Variants in ALK observed in about 807,000 individuals in gnomAD.
The protein encoded by ALK is ALK receptor tyrosine kinase.
Under a neutral mutation model 163.1 loss-of-function variants are expected in ALK, and 74 were observed. The ratio of observed to expected loss-of-function variants is 0.45; its 90% CI spans 0.38 to 0.55. The LOEUF (loss-of-function observed/expected upper bound fraction) is 0.55. ALK is among the 20% of genes least tolerant of loss of function. The pLI is 0.00. For missense variants in ALK, 2,063 were observed against 2,105.3 expected (o/e 0.98, Z 0.39); for synonymous variants, 960 against 843.2 (o/e 1.14, Z -2.40).
intron 4 of ALK, among the ~76,000 whole-genome samples, chr2:29,431,277 C>T (rs1001609868): frequency 1.3e-5 from 2 of 152,036 alleles, no homozygotes; most frequent in African/African-American, 4.8e-5. Flanking sequence ...GTTGTATCTC[C>T]CAAGAGTCAT....
At chr2:29,628,581 C>T (rs1164485207) in intron 3 of ALK, among the ~76,000 whole-genome samples, 1 of 152,172 alleles carries the variant, frequency 6.6e-6, no homozygotes, top group Non-Finnish European at 1.5e-5. Flanking sequence ...AGCAAACACT[C>T]TGTTGTGTTA....
At chr2:29,587,883 G>A (rs1439197057) in intron 3 of ALK, among the ~76,000 whole-genome samples, 2 of 152,218 alleles carry the variant, frequency 1.3e-5, no homozygotes, top group Non-Finnish European at 2.9e-5. Flanking sequence ...TGGTTCAGGG[G>A]AAAGAGGTGG....
chr2:29,440,620 G>A (rs1378987687), intron 4 of ALK, among the ~76,000 whole-genome samples: 3 of 152,166 alleles, frequency 2.0e-5, no homozygotes, highest in Non-Finnish European at 2.9e-5. Context: ...CCTGGCTGAT[G>A]AATCAATTCT....
chr2:29,313,148 C>T (rs1272840673), intron 8 of ALK, among the ~76,000 whole-genome samples: 9 of 152,190 alleles, frequency 5.9e-5, no homozygotes, highest in Admixed American at 5.9e-4. Flanking sequence ...GCTTGTTCTT[C>T]TACCAGTCAG....
intron 4 of ALK, among the ~76,000 whole-genome samples, chr2:29,432,414 G>C (rs1670293634): frequency 6.6e-6 from 1 of 152,114 alleles, no homozygotes; most frequent in South Asian, 2.1e-4. Context: ...GCTTCCTGAG[G>C]CCTCATCAGA....
intron 3 of ALK, among the ~76,000 whole-genome samples, chr2:29,642,057 G>A (rs1676718537): frequency 1.3e-5 from 2 of 152,144 alleles, no homozygotes; most frequent in African/African-American, 4.8e-5. Context: ...GACCTCTCAA[G>A]TTCCTTCTGT....
At chr2:29,831,090 G>A (rs186816557) in intron 1 of ALK, among the ~76,000 whole-genome samples, 1 of 58,210 alleles carries the variant, frequency 1.7e-5, no homozygotes, top group Non-Finnish European at 3.3e-5. Context: ...GGAGGAGGAG[G>A]AGGAGGAGGA....
intron 1 of ALK, among the ~76,000 whole-genome samples, chr2:29,746,813 C>A (rs1680217335): frequency 6.6e-6 from 1 of 152,142 alleles, no homozygotes; most frequent in Non-Finnish European, 1.5e-5. Flanking sequence ...GAACCATATG[C>A]CTAGTGTCTT....
At chr2:29,755,787 C>T (rs561803708) in intron 1 of ALK, among the ~76,000 whole-genome samples, 5 of 152,222 alleles carry the variant, frequency 3.3e-5, no homozygotes, top group South Asian at 2.1e-4. Context: ...GCTGTTCCTG[C>T]GGGGCTGTCA....
At chr2:29,818,583 G>T (rs1044085064) in intron 1 of ALK, among the ~76,000 whole-genome samples, 3 of 152,254 alleles carry the variant, frequency 2.0e-5, no homozygotes, top group African/African-American at 7.2e-5. Flanking sequence ...CCAAAGCAAG[G>T]CAGCCTGTTA....
At chr2:29,499,557 T>C (rs1441909507) in intron 4 of ALK, among the ~76,000 whole-genome samples, 3 of 152,296 alleles carry the variant, frequency 2.0e-5, no homozygotes, top group Admixed American at 6.5e-5. Flanking sequence ...GAAGTTCAGA[T>C]ACTTTTCTCC....
intron 4 of ALK, among the ~76,000 whole-genome samples, chr2:29,407,670 G>T (rs1669617879): frequency 6.6e-6 from 1 of 152,124 alleles, no homozygotes; most frequent in South Asian, 2.1e-4. Flanking sequence ...GCTTTCCTTG[G>T]TCCATTCAGT....
At chr2:29,690,044 T>A (rs1678349952) in intron 3 of ALK, among the ~76,000 whole-genome samples, 1 of 152,222 alleles carries the variant, frequency 6.6e-6, no homozygotes, top group South Asian at 2.1e-4. Flanking sequence ...TTCTGTTGTT[T>A]AAGCCATCCG....
intron 1 of ALK, among the ~76,000 whole-genome samples, chr2:29,724,205 C>G (rs1009824118): frequency 5.9e-5 from 9 of 152,200 alleles, no homozygotes; most frequent in Non-Finnish European, 1.2e-4. Flanking sequence ...TCTAAATGCT[C>G]TTTGGAACAG....
At chr2:29,265,280 A>C (rs1313316582) in intron 11 of ALK, among the ~76,000 whole-genome samples, 1 of 152,132 alleles carries the variant, frequency 6.6e-6, no homozygotes, top group Non-Finnish European at 1.5e-5. Flanking sequence ...GGCTTCCCAA[A>C]GTGCTGGGAT....
intron 2 of ALK, among the ~76,000 whole-genome samples, chr2:29,702,599 G>A (rs747550736): frequency 1.3e-5 from 2 of 152,314 alleles, no homozygotes; most frequent in Admixed American, 6.5e-5. Flanking sequence ...GTATTAGTCT[G>A]TTCTCATGCT....
At chr2:29,443,772 T>C (rs917523554) in intron 4 of ALK, among the ~76,000 whole-genome samples, 3 of 152,128 alleles carry the variant, frequency 2.0e-5, no homozygotes, top group Non-Finnish European at 4.4e-5. Context: ...GTGAAAGCAA[T>C]TGATGGTGAA....
intron 1 of ALK, among the ~76,000 whole-genome samples, chr2:29,859,055 C>CAAACAAAT (rs758645210): frequency 1.3e-5 from 2 of 151,552 alleles, no homozygotes; most frequent in South Asian, 4.2e-4. Flanking sequence ...AACAAACAAA[C>CAAACAAAT]AAAAACAAAA....
intron 5 of ALK, among the ~76,000 whole-genome samples, chr2:29,336,356 T>C (rs59652461): frequency 0.21 from 32,199 of 152,052 alleles, 3,763 homozygotes; most frequent in African/African-American, 0.3. Flanking sequence ...GCCTTCTCCC[T>C]TCCAGGGCAT....
Sources: allele counts gnomAD v4.1 joint callset (sites outside exome capture counted in the v4.1 genomes callset), GRCh38; gene constraint gnomAD v4.1.1; transcripts MANE v1.5; gene names NCBI Gene and HGNC (gene_info 2026-07-23, HGNC 2026-07-21).